The following EPHA4 variants were observed in gnomAD, a reference collection of about 807,000 sequenced individuals.
EPHA4 encodes EPH receptor A4.
Under a neutral mutation model 108.3 loss-of-function variants are expected in EPHA4, and 19 were observed. That is an observed-to-expected ratio of 0.18 (90% confidence interval 0.12 to 0.26). EPHA4 has a LOEUF of 0.26. EPHA4 is among the 10% of genes least tolerant of loss of function. The probability of loss-of-function intolerance (pLI) is 1.00; values close to 1 mark genes in which losing one functional copy is unlikely to be tolerated. For synonymous variants in EPHA4, 449 were observed against 455.5 expected, an observed-to-expected ratio of 0.99 and a Z score of 0.18; for missense variants, 917 against 1,254.0, an observed-to-expected ratio of 0.73 and a Z score of 4.06.
At chr2:221,514,773 T>A (rs531242779) in intron 3 of EPHA4, among the ~76,000 whole-genome samples, 2 of 152,256 alleles carry the variant, frequency 1.3e-5, no homozygotes, top group South Asian at 2.1e-4. Flanking sequence ...ATATTAATCA[T>A]AATAAAAACA....
At chr2:221,445,276 AC>A (rs1341438385) in intron 9 of EPHA4, among the ~76,000 whole-genome samples, 3 of 152,120 alleles carry the variant, frequency 2.0e-5, no homozygotes, top group African/African-American at 7.2e-5. Context: ...CTGGATAGTC[AC>A]CAACCACTGT....
rs2106099085 is a variant in EPHA4, at chr2:221,436,567, C to A, written c.2178G>T (p.Met726Ile). 1.2e-6 allele frequency: 2 copies of A among 1,614,202 alleles called. No homozygotes were observed. The highest frequency in any genetic ancestry group is 1.7e-6 in the Non-Finnish European group (2 of 1,180,032). ...GRFTVIQLVGMLRGIGSGMKY... is the reference protein window; with the variant it reads ...GRFTVIQLVGILRGIGSGMKY... ...TCATCCCAGACCCAATGCCACGAAG[C>A]ATGCCCACCAGCTGAATGACTGTAA... The change falls in exon 13 of 18, where the codon ATG becomes ATT. Residue 726 changes from methionine (M) to isoleucine (I), a missense_variant. Transcript: ENST00000281821.
At chr2:221,505,968 T>C (rs1692618592) in intron 3 of EPHA4, among the ~76,000 whole-genome samples, 1 of 152,156 alleles carries the variant, frequency 6.6e-6, no homozygotes, top group South Asian at 2.1e-4. Flanking sequence ...AAAATTACCT[T>C]CCCAGGTAAC....
In EPHA4 at chr2:221,501,133, G is replaced by A. The variant is rs1324719136; in HGVS notation, c.863C>T (p.Ala288Val). 1.2e-6 allele frequency: 2 copies of A among 1,612,624 alleles called. No homozygotes were observed. Among genetic ancestry groups the A allele is most frequent in the Non-Finnish European group, 1.7e-6 (2 of 1,179,346 alleles). The change falls in exon 4 of 18, where the codon GCC becomes GTC. Residue 288 changes from alanine (A) to valine (V), a missense_variant. By Grantham distance (64) the Ala-to-Val change is moderately conservative. Transcript: ENST00000281821. Reference protein sequence around the residue: ...IGYYKALSTDATCAKCPPHSY... With the variant: ...IGYYKALSTDVTCAKCPPHSY... ...GTGGGGTGGGCACTTGGCACAGGTG[G>A]CATCCGTGGAGAGAGCCTTGTAATA... is the stretch of plus-strand genomic sequence containing the variant.
rs181865234 is a variant in EPHA4 at position 221,481,307 on chromosome 2, G to A, written c.1318+1045C>T. ...GCAGAAAGTGATGTAGGAATTGGAG[G>A]AGACTGGCCGCCCCACCCTCCGCCC... On this transcript the variant is annotated intron_variant, in intron 5 of 17. Transcript: ENST00000281821. 6.8e-4 allele frequency among the ~76,000 whole-genome samples: 104 copies of A among 152,198 alleles called. 1 individual carries two copies. The highest frequency in any genetic ancestry group is 2.4e-3 in the African/African-American group (101 of 41,530).
chr2:221,520,088 C>G (rs902188879), intron 3 of EPHA4, among the ~76,000 whole-genome samples: 1 of 152,094 alleles, frequency 6.6e-6, no homozygotes, highest in African/African-American at 2.4e-5. Flanking sequence ...GATGTTCATG[C>G]TGATCATGTC....
intron 4 of EPHA4, among the ~76,000 whole-genome samples, chr2:221,483,342 A>G (rs1348772960): frequency 6.6e-6 from 1 of 152,194 alleles, no homozygotes; most frequent in Non-Finnish European, 1.5e-5. Context: ...GTGCATTCCC[A>G]GCAACATCAA....
At chr2:221,455,782 G>T (rs1690929016) in intron 7 of EPHA4, 124 bp from the exon 8 acceptor site, 2 of 692,680 alleles carry the variant, frequency 2.9e-6, no homozygotes, top group Admixed American at 5.1e-5. Flanking sequence ...GAACATTTCA[G>T]AAAGGGCAGC....
intron 2 of EPHA4, among the ~76,000 whole-genome samples, chr2:221,566,929 A>G (rs1255677851): frequency 6.5e-5 from 4 of 61,962 alleles, no homozygotes; most frequent in South Asian, 5.2e-4. Context: ...GGAGAAGGAG[A>G]AGGAGAAGGA....
rs7573758 is a variant in EPHA4 at position 221,492,606 on chromosome 2, G to A, written c.979+8411C>T. On this transcript the variant is annotated intron_variant, in intron 4 of 17. Transcript: ENST00000281821. ...TAGCTAAAATGCTGAAAGGCAATCC[G>A]AAAGGAAGAAACAAAAATGTGGTAT... is the stretch of plus-strand genomic sequence containing the variant. Among the ~76,000 whole-genome samples the A allele has an allele frequency of 5.9e-5, 9 of 152,058 alleles. No individual in the cohort carries two copies. In the South Asian group the frequency reaches 6.2e-4, roughly 11 times the overall value.
At chr2:221,566,918 A>AGGAGAG (rs1694669244) in intron 2 of EPHA4, among the ~76,000 whole-genome samples, 1 of 52,226 alleles carries the variant, frequency 1.9e-5, no homozygotes, top group Non-Finnish European at 3.5e-5. Flanking sequence ...GAGAAGGAGA[A>AGGAGAG]GGAGAAGGAG....
At chr2:221,544,797 A>G (rs1015813165) in intron 3 of EPHA4, among the ~76,000 whole-genome samples, 34 of 152,266 alleles carry the variant, frequency 2.2e-4, no homozygotes, top group African/African-American at 7.9e-4. Flanking sequence ...TAAAGGTGAG[A>G]TCTTATTCTG....
chr2:221,426,642 T>G, intron 15 of EPHA4, 23 bp from the exon 16 acceptor site: 1 of 1,603,636 alleles, frequency 6.2e-7, no homozygotes, highest in Non-Finnish European at 8.5e-7. Flanking sequence ...CAAGAAAATA[T>G]AAGCAGAACG....
chr2:221,470,959 C>T (rs1225005276), intron 5 of EPHA4, among the ~76,000 whole-genome samples: 1 of 152,016 alleles, frequency 6.6e-6, no homozygotes, highest in African/African-American at 2.4e-5. Flanking sequence ...AAATCTGTAA[C>T]CCTAGAATTG....
chr2:221,493,671 A>G (rs1692220949), intron 4 of EPHA4, among the ~76,000 whole-genome samples: 2 of 152,324 alleles, frequency 1.3e-5, no homozygotes, highest in Middle Eastern at 3.4e-3. Flanking sequence ...GGCTTTGAGT[A>G]ATAGAACTGA....
At position 221,482,456 on chromosome 2, in the gene EPHA4, G is replaced by A. The variant is rs1177672725; in HGVS notation, c.1214C>T (p.Ala405Val). The A allele has an allele frequency of 1.9e-6, 3 of 1,614,098 alleles. No individual in the cohort carries two copies. Among genetic ancestry groups the A allele is most frequent in the Non-Finnish European group, 2.5e-6 (3 of 1,179,990 alleles). Residue 405 changes from alanine (A) to valine (V), a missense_variant, in exon 5 of 18, where the codon GCT (alanine) becomes GTT (valine). Ala to Val is a moderately conservative substitution (Grantham distance 64). Transcript: ENST00000281821. ...GATTTCAAAGGTGTAATTGGTATGA[G>A]CTAGGAGGTCAGTGATGGAGACTTT... ...TTKVSITDLL[A>V]HTNYTFEIWA...
chr2:221,478,831 A>G (rs138698354), intron 5 of EPHA4, among the ~76,000 whole-genome samples: 54 of 152,228 alleles, frequency 3.5e-4, no homozygotes, highest in African/African-American at 1.2e-3. Context: ...CTGGGCTGCA[A>G]GTGTCACTGA....
intron 4 of EPHA4, among the ~76,000 whole-genome samples, chr2:221,493,304 T>C (rs1039929583): frequency 6.6e-6 from 1 of 152,144 alleles, no homozygotes; most frequent in African/African-American, 2.4e-5. Context: ...AAAGCCTCGC[T>C]CTAGACATCC....
At chr2:221,517,272 A>G (rs889438748) in intron 3 of EPHA4, among the ~76,000 whole-genome samples, 4 of 152,334 alleles carry the variant, frequency 2.6e-5, no homozygotes, top group Admixed American at 6.5e-5. Context: ...GAAGGCCTAC[A>G]GTAGGCATGT....
Sources: allele counts gnomAD v4.1 joint callset (sites outside exome capture counted in the v4.1 genomes callset), GRCh38; gene constraint gnomAD v4.1.1; transcripts MANE v1.5; gene names NCBI Gene and HGNC (gene_info 2026-07-23, HGNC 2026-07-21).